LIX1: variants seen among roughly 807,000 people sequenced by gnomAD.
LIX1 encodes the protein limb and CNS expressed 1, also known as protein limb expression 1 homolog.
LIX1 carries 24 observed loss-of-function variants against 33.4 expected under a neutral mutation model. The ratio of observed to expected loss-of-function variants is 0.72; its 90% CI spans 0.52 to 1.01. The LOEUF (loss-of-function observed/expected upper bound fraction) is 1.01, where lower values mean the gene tolerates loss of function less well. LIX1 is among the 50% of genes least tolerant of loss of function. LIX1 has a pLI of 0.00. For missense variants in LIX1, 311 were observed against 339.2 expected (o/e 0.92, Z 0.65); for synonymous variants, 124 against 124.0 (o/e 1.00, Z 0.00).
chr5:97,107,002 C>T (rs189450028), intron 3 of LIX1, among the ~76,000 whole-genome samples: 58 of 152,228 alleles, frequency 3.8e-4, no homozygotes, highest in African/African-American at 1.3e-3. Context: ...GAAAATGGAG[C>T]TCGTTTTCCA....
At position 97,124,573 on chromosome 5, in the gene LIX1, C is replaced by T. The variant is rs766561444; in HGVS notation, c.139G>A (p.Ala47Thr). Residue 47 changes from alanine (A) to threonine (T), a missense_variant, in exon 2 of 6, where the codon GCA becomes ACA. Transcript: ENST00000274382. ...ACCACCACACCTTCACTTGGGAATG[C>T]AGCCTTCTGCTGCTGCTTGCTTTCC... The part of the protein sequence containing the change: ...FWESKQQQKA[A>T]FPSEGVVVYE... 1.2e-5 allele frequency: 19 copies of T among 1,610,704 alleles called. No homozygotes were observed. Among genetic ancestry groups the T allele is most frequent in the Non-Finnish European group, 1.6e-5 (19 of 1,178,012 alleles).
chr5:97,139,638 T>C (rs1748243559), intron 1 of LIX1, among the ~76,000 whole-genome samples: 1 of 152,224 alleles, frequency 6.6e-6, no homozygotes, highest in Admixed American at 6.5e-5. Flanking sequence ...CCTGGTAGTG[T>C]GGAGACTTCC....
intron 4 of LIX1, chr5:97,103,000 T>C (rs988415782): frequency 6.9e-6 from 3 of 437,354 alleles, no homozygotes; most frequent in African/African-American, 4.1e-5. Flanking sequence ...TTCTACAAAA[T>C]GGGCATTATT....
chr5:97,102,619 T>C (rs1223006091), intron 4 of LIX1, among the ~76,000 whole-genome samples: 1 of 152,214 alleles, frequency 6.6e-6, no homozygotes, highest in African/African-American at 2.4e-5. Flanking sequence ...CAAATTTAAA[T>C]ACCTTACTAC....
intron 1 of LIX1, among the ~76,000 whole-genome samples, chr5:97,138,116 A>C (rs1748209094): frequency 6.6e-6 from 1 of 152,194 alleles, no homozygotes; most frequent in Non-Finnish European, 1.5e-5. Flanking sequence ...TGCACCTCAA[A>C]TATGTGAGAA....
intron 2 of LIX1, among the ~76,000 whole-genome samples, chr5:97,119,279 T>C (rs1237748642): frequency 1.3e-5 from 2 of 152,184 alleles, no homozygotes; most frequent in Non-Finnish European, 2.9e-5. Context: ...CGTGAAATGA[T>C]TTGTAATGCA....
intron 2 of LIX1, among the ~76,000 whole-genome samples, chr5:97,109,932 A>G (rs1446647622): frequency 6.6e-6 from 1 of 152,204 alleles, no homozygotes; most frequent in East Asian, 1.9e-4. Flanking sequence ...GTTCATTTAT[A>G]TGGCTAAGTA....
At chr5:97,123,241 C>CAT (rs1747828951) in intron 2 of LIX1, among the ~76,000 whole-genome samples, 1 of 152,190 alleles carries the variant, frequency 6.6e-6, no homozygotes, top group East Asian at 1.9e-4. Context: ...AAGTTCAACC[C>CAT]ATATCTCTTC....
intron 4 of LIX1, among the ~76,000 whole-genome samples, chr5:97,103,971 G>GAAAAAAAAAA (rs36039071): frequency 2.8e-5 from 3 of 107,352 alleles, no homozygotes; most frequent in African/African-American, 3.0e-5. Context: ...TCTCAAAAAA[G>GAAAAAAAAAA]AAAAAAAAAA....
At chr5:97,108,666 G>C (rs1489418187) in intron 2 of LIX1, among the ~76,000 whole-genome samples, 1 of 151,794 alleles carries the variant, frequency 6.6e-6, no homozygotes, top group Non-Finnish European at 1.5e-5. Flanking sequence ...CTCCTAGGGG[G>C]AAACAAGAGA....
chr5:97,141,959 G>A lies in LIX1; in HGVS notation c.82+536C>T, dbSNP rs1748300809. ...ACACAGGGAGTGTTGCTGAGGTTAG[G>A]AGGCATCTCATTTTATTGGCCTTTT... On this transcript the variant is annotated intron_variant, in intron 1 of 5. Transcript: ENST00000274382. Among the ~76,000 whole-genome samples the A allele has an allele frequency of 2.0e-5, 3 of 152,300 alleles. No individual in the cohort carries two copies. The South Asian group carries it at 6.2e-4, about 32-fold the overall frequency.
At chr5:97,111,481 T>C (rs1010158112) in intron 2 of LIX1, among the ~76,000 whole-genome samples, 1 of 152,216 alleles carries the variant, frequency 6.6e-6, no homozygotes, top group Non-Finnish European at 1.5e-5. Context: ...AGGGTATGTT[T>C]ATTATTCTTT....
intron 2 of LIX1, among the ~76,000 whole-genome samples, chr5:97,110,230 A>T (rs889277098): frequency 3.9e-5 from 6 of 152,230 alleles, no homozygotes. Flanking sequence ...ATGCTTGTAC[A>T]TGGTGAGTGT....
At chr5:97,120,514 G>A (rs1747750331) in intron 2 of LIX1, among the ~76,000 whole-genome samples, 1 of 152,188 alleles carries the variant, frequency 6.6e-6, no homozygotes, top group Non-Finnish European at 1.5e-5. Flanking sequence ...ATCACAGGAG[G>A]TAGGGAGTTC....
At position 97,124,453 on chromosome 5, in the gene LIX1, G is replaced by A. The variant is rs1269280492; in HGVS notation, c.246+13C>T. 1 of 1,580,518 alleles carries A rather than the reference G, an allele frequency of 6.3e-7. No homozygotes were observed. Among genetic ancestry groups the A allele is most frequent in the Non-Finnish European group, 8.6e-7 (1 of 1,160,914 alleles). The stretch of plus-strand genomic sequence containing the variant: ...AATGAACTTTCACTGACAAATTAAT[G>A]GCTACTTCTTACCTGAAAGTTGCCA... On this transcript the variant is annotated intron_variant, in intron 2 of 5. Coordinates refer to ENST00000274382, the MANE Select transcript of LIX1 (RefSeq NM_153234.5).
intron 4 of LIX1, among the ~76,000 whole-genome samples, chr5:97,104,937 T>C (rs990910421): frequency 2.0e-5 from 3 of 152,182 alleles, no homozygotes; most frequent in Admixed American, 2.0e-4. Flanking sequence ...CAGAATCCCT[T>C]ATTTCTTAGA....
chr5:97,135,375 A>G (rs1431909010), intron 1 of LIX1, among the ~76,000 whole-genome samples: 1 of 152,232 alleles, frequency 6.6e-6, no homozygotes, highest in Non-Finnish European at 1.5e-5. Flanking sequence ...CTGATTCCAC[A>G]TATGTGGTTT....
At chr5:97,138,208 A>G (rs1748210336) in intron 1 of LIX1, among the ~76,000 whole-genome samples, 1 of 152,208 alleles carries the variant, frequency 6.6e-6, no homozygotes, top group Non-Finnish European at 1.5e-5. Context: ...TCTCAGTGAA[A>G]TCTTACATGT....
rs1262440615 is a variant in LIX1, at chr5:97,094,743, C to A, written c.*5G>T. ...ATCACTGAGGGTACCCGGGGCTTGG[C>A]CTTGCTAGTGATAGCCACACAGGGC... On this transcript the variant is annotated 3_prime_UTR_variant, in exon 6 of 6. Coordinates refer to ENST00000274382, the MANE Select transcript of LIX1 (RefSeq NM_153234.5). 19 of 1,612,054 alleles carry A rather than the reference C, an allele frequency of 1.2e-5. No homozygotes were observed. The highest frequency in any genetic ancestry group is 1.5e-5 in the Non-Finnish European group (18 of 1,178,658).
Sources: allele counts gnomAD v4.1 joint callset (sites outside exome capture counted in the v4.1 genomes callset), GRCh38; gene constraint gnomAD v4.1.1; transcripts MANE v1.5; gene names NCBI Gene and HGNC (gene_info 2026-07-23, HGNC 2026-07-21).